The following KCNQ5 variants were observed in gnomAD, a reference collection of about 807,000 sequenced individuals.
The protein encoded by KCNQ5 is potassium voltage-gated channel subfamily Q member 5, also known as potassium voltage-gated channel subfamily KQT member 5.
KCNQ5 carries 30 observed loss-of-function variants against 98.2 expected under a neutral mutation model. The observed-to-expected ratio is 0.31, with a 90% confidence interval of 0.23 to 0.41. KCNQ5 has a LOEUF of 0.41. Ranked by LOEUF, KCNQ5 falls within the 10% of genes least tolerant of loss-of-function variation. The pLI is 1.00. For missense variants in KCNQ5, 835 were observed against 1,182.5 expected (o/e 0.71, Z 4.31); for synonymous variants, 458 against 449.4 (o/e 1.02, Z -0.24).
intron 1 of KCNQ5, among the ~76,000 whole-genome samples, chr6:72,939,668 C>G (rs1303040013): frequency 6.6e-6 from 1 of 152,206 alleles, no homozygotes; most frequent in East Asian, 1.9e-4. Context: ...TGCAGTCTTT[C>G]ACTCACTCAA....
intron 1 of KCNQ5, among the ~76,000 whole-genome samples, chr6:72,706,265 T>C (rs889178316): frequency 2.6e-5 from 4 of 151,944 alleles, no homozygotes; most frequent in South Asian, 4.1e-4. Flanking sequence ...ATGCTTTGAG[T>C]ACAAATTCTG....
rs117035031 is a variant in KCNQ5 at position 73,171,231 on chromosome 6, T to C, written c.1577+1377T>C. The stretch of plus-strand genomic sequence containing the variant: ...TAAAAAAAAACAAAAGTTCAGTTAC[T>C]TCTCAATGGAACCCTCAAGTCACAA... On this transcript the variant is annotated intron_variant, in intron 11 of 13. Transcript: ENST00000370398. Among the ~76,000 whole-genome samples the C allele has an allele frequency of 5.9e-3, 893 of 152,280 alleles. 4 individuals carry two copies. Among genetic ancestry groups the C allele is most frequent in the Non-Finnish European group, 9.9e-3 (671 of 68,004 alleles).
chr6:72,956,709 G>C (rs890555388), intron 1 of KCNQ5, among the ~76,000 whole-genome samples: 1 of 151,340 alleles, frequency 6.6e-6, no homozygotes, highest in African/African-American at 2.4e-5. Flanking sequence ...CCCAGCCTTT[G>C]CTTTTTTCTT....
intron 1 of KCNQ5, among the ~76,000 whole-genome samples, chr6:72,724,922 T>C (rs1484590426): frequency 6.6e-6 from 1 of 152,212 alleles, no homozygotes; most frequent in African/African-American, 2.4e-5. Context: ...ATACAAGTCA[T>C]ATATTACTTC....
chr6:72,811,634 T>C (rs1048340431), intron 1 of KCNQ5, among the ~76,000 whole-genome samples: 2 of 152,152 alleles, frequency 1.3e-5, no homozygotes, highest in African/African-American at 4.8e-5. Context: ...ACAATTGGCA[T>C]GTATTGAATT....
intron 1 of KCNQ5, among the ~76,000 whole-genome samples, chr6:72,867,633 G>A (rs1236478213): frequency 1.3e-5 from 2 of 152,074 alleles, no homozygotes; most frequent in Non-Finnish European, 2.9e-5. Context: ...TAGAGCAGCT[G>A]TTTCCAAATA....
At chr6:72,828,681 T>C (rs1313405156) in intron 1 of KCNQ5, among the ~76,000 whole-genome samples, 4 of 152,148 alleles carry the variant, frequency 2.6e-5, no homozygotes, top group East Asian at 1.9e-4. Flanking sequence ...TCTGACTTCT[T>C]CTTTTCCTCT....
At chr6:73,135,635 C>G (rs1776439239) in intron 10 of KCNQ5, 1 of 152,220 alleles carries the variant, frequency 6.6e-6, no homozygotes, top group Non-Finnish European at 1.5e-5. Flanking sequence ...ATGGTGGGAA[C>G]CAGTCTTTGT....
rs540391471 is a variant in KCNQ5 at position 73,029,620 on chromosome 6, C to T, written c.490-12316C>T. On this transcript the variant is annotated intron_variant, in intron 2 of 13. Transcript: ENST00000370398. ...CAAGATTATCTCTGATCAGGCCCTT[C>T]ATCTTACTCAATTTAAAAGTATACT... Among the ~76,000 whole-genome samples, 6 of 151,666 alleles carry T rather than the reference C, an allele frequency of 4.0e-5. No homozygotes were observed. In the East Asian group the frequency reaches 1.2e-3, roughly 30 times the overall value.
chr6:72,928,019 G>A (rs1012452992), intron 1 of KCNQ5, among the ~76,000 whole-genome samples: 3 of 151,930 alleles, frequency 2.0e-5, no homozygotes, highest in Non-Finnish European at 4.4e-5. Context: ...GAAAAGGAGG[G>A]AAAATAGAAA....
At chr6:72,910,139 C>T (rs1779870352) in intron 1 of KCNQ5, among the ~76,000 whole-genome samples, 1 of 152,048 alleles carries the variant, frequency 6.6e-6, no homozygotes, top group Non-Finnish European at 1.5e-5. Context: ...TGTGAATACA[C>T]CTAAATTGCA....
intron 1 of KCNQ5, among the ~76,000 whole-genome samples, chr6:72,732,246 T>G (rs1770593909): frequency 6.6e-6 from 1 of 151,356 alleles, no homozygotes; most frequent in African/African-American, 2.4e-5. Context: ...CTGACAGAGG[T>G]GAGCTCAGGG....
intron 7 of KCNQ5, 51 bp from the exon 8 acceptor site, chr6:73,120,432 A>T: frequency 1.5e-6 from 2 of 1,298,628 alleles, no homozygotes; most frequent in South Asian, 2.5e-5. Flanking sequence ...ATTTTATTCT[A>T]AATCCTGCTC....
rs551827775 is a variant in KCNQ5, at chr6:73,177,983, T to C, written c.1577+8129T>C. 5.0e-4 allele frequency among the ~76,000 whole-genome samples: 76 copies of C among 152,350 alleles called. 1 individual carries two copies. Among genetic ancestry groups the C allele is most frequent in the African/African-American group, 1.7e-3 (70 of 41,588 alleles). ...AGATATTAAACCTTTTCTTTGGCTATAATTTAAACTGAGTTTTCTATTATT... is the reference window on the plus strand; with the variant it reads ...AGATATTAAACCTTTTCTTTGGCTACAATTTAAACTGAGTTTTCTATTATT... On this transcript the variant is annotated intron_variant, in intron 11 of 13. Transcript: ENST00000370398.
intron 1 of KCNQ5, among the ~76,000 whole-genome samples, chr6:72,998,455 G>C (rs1769405527): frequency 6.6e-6 from 1 of 151,992 alleles, no homozygotes; most frequent in Admixed American, 6.6e-5. Flanking sequence ...ACATTTAAGG[G>C]CCAGGCACGG....
chr6:72,687,617 T>C (rs186615660), intron 1 of KCNQ5, among the ~76,000 whole-genome samples: 207 of 152,324 alleles, frequency 1.4e-3, no homozygotes, highest in Non-Finnish European at 1.5e-3. Context: ...GAAAGCATAC[T>C]TGAAGTGCTA....
At chr6:72,768,533 G>T (rs990463311) in intron 1 of KCNQ5, among the ~76,000 whole-genome samples, 3 of 151,920 alleles carry the variant, frequency 2.0e-5, no homozygotes, top group Non-Finnish European at 4.4e-5. Flanking sequence ...AGAAATTGAT[G>T]GTACAAATGG....
At chr6:73,124,980 TACACAC>T (rs150667060) in intron 9 of KCNQ5, among the ~76,000 whole-genome samples, 6,598 of 21,428 alleles carry the variant, frequency 0.31, 951 homozygotes, top group South Asian at 0.45. Flanking sequence ...TATATATATA[TACACAC>T]ACACACATAT....
At chr6:73,175,294 A>G (rs939327980) in intron 11 of KCNQ5, among the ~76,000 whole-genome samples, 1 of 151,984 alleles carries the variant, frequency 6.6e-6, no homozygotes, top group Non-Finnish European at 1.5e-5. Context: ...GGGATTACAG[A>G]CATGCACGAC....
Sources: gnomAD v4.1 joint callset for allele counts (sites outside exome capture counted in the v4.1 genomes callset) on GRCh38, gnomAD v4.1.1 for gene constraint, MANE v1.5 for transcripts, NCBI Gene and HGNC (gene_info 2026-07-23, HGNC 2026-07-21) for gene names.